Variants in DLGAP2 observed in about 807,000 individuals in gnomAD.
DLGAP2 encodes disks large-associated protein 2.
A neutral mutation model predicts 100.3 loss-of-function variants in DLGAP2; 26 were observed. That is an observed-to-expected ratio of 0.26 (90% CI 0.19 to 0.36). The LOEUF (loss-of-function observed/expected upper bound fraction) is 0.36, where lower values mean the gene tolerates loss of function less well. Among genes scored for constraint, DLGAP2 ranks in the 10% least tolerant of loss-of-function variants. The probability of loss-of-function intolerance (pLI) is 1.00; values close to 1 mark genes in which losing one functional copy is unlikely to be tolerated. For synonymous variants in DLGAP2, 886 were observed against 630.1 expected, an observed-to-expected ratio of 1.41 and a Z score of -6.08; for missense variants, 1,858 against 1,453.2, an observed-to-expected ratio of 1.28 and a Z score of -4.53.
intron 2 of DLGAP2, among the ~76,000 whole-genome samples, chr8:1,254,667 C>T (rs1799130517): frequency 6.6e-6 from 1 of 150,970 alleles, no homozygotes; most frequent in Non-Finnish European, 1.5e-5. Flanking sequence ...CTGTATGACT[C>T]AGTGGTGTCT....
chr8:1,566,035 C>T, intron 6 of DLGAP2, 141 bp downstream of exon 6: 2 of 580,318 alleles, frequency 3.4e-6, no homozygotes, highest in Non-Finnish European at 5.4e-6. Context: ...CCATGGCTGT[C>T]AATTTTCAAG....
intron 3 of DLGAP2, among the ~76,000 whole-genome samples, chr8:1,411,988 G>T (rs1437039269): frequency 6.6e-6 from 1 of 152,198 alleles, no homozygotes; most frequent in African/African-American, 2.4e-5. Context: ...AACAGCAAGG[G>T]CTCTGGAAGA....
At chr8:1,356,948 G>A (rs140739015) in intron 3 of DLGAP2, among the ~76,000 whole-genome samples, 3 of 152,326 alleles carry the variant, frequency 2.0e-5, no homozygotes, top group Admixed American at 6.5e-5. Flanking sequence ...CGGCAAACCC[G>A]CGAGCAGCTG....
intron 2 of DLGAP2, among the ~76,000 whole-genome samples, chr8:1,120,576 A>T (rs182213125): frequency 8.0e-5 from 12 of 150,162 alleles, no homozygotes; most frequent in Admixed American, 3.3e-4. Context: ...ATCCTTGTCC[A>T]TTAGGACCCA....
intron 1 of DLGAP2, among the ~76,000 whole-genome samples, chr8:864,299 C>G (rs1484388032): frequency 6.6e-6 from 1 of 151,986 alleles, no homozygotes; most frequent in Non-Finnish European, 1.5e-5. Flanking sequence ...GTGAGAATAT[C>G]GTACGGTATG....
At chr8:1,103,168 G>T (rs1003664627) in intron 2 of DLGAP2, among the ~76,000 whole-genome samples, 7 of 152,178 alleles carry the variant, frequency 4.6e-5, no homozygotes, top group African/African-American at 1.4e-4. Context: ...GGAGGTGGCC[G>T]TGAGTCCCGG....
At chr8:964,030 G>C (rs749975295) in intron 2 of DLGAP2, among the ~76,000 whole-genome samples, 2 of 152,050 alleles carry the variant, frequency 1.3e-5, no homozygotes, top group East Asian at 3.8e-4. Context: ...ATTTGGAAAC[G>C]ATAACTGATA....
intron 2 of DLGAP2, among the ~76,000 whole-genome samples, chr8:944,147 G>C (rs940964790): frequency 1.3e-5 from 2 of 152,268 alleles, no homozygotes; most frequent in Non-Finnish European, 2.9e-5. Context: ...TGATCTGTTA[G>C]GTGGTAACTG....
intron 2 of DLGAP2, among the ~76,000 whole-genome samples, chr8:971,497 G>T (rs555518483): frequency 6.6e-6 from 1 of 152,216 alleles, no homozygotes; most frequent in Non-Finnish European, 1.5e-5. Flanking sequence ...AGCAGCCCCA[G>T]CTGGAGTCAG....
intron 2 of DLGAP2, among the ~76,000 whole-genome samples, chr8:1,234,934 A>G (rs956308788): frequency 6.6e-6 from 1 of 151,860 alleles, no homozygotes; most frequent in Non-Finnish European, 1.5e-5. Flanking sequence ...CACACAAAGC[A>G]TTGTGTCTGC....
intron 2 of DLGAP2, among the ~76,000 whole-genome samples, chr8:1,133,306 T>C (rs1313308642): frequency 2.0e-5 from 3 of 152,198 alleles, no homozygotes; most frequent in Non-Finnish European, 4.4e-5. Flanking sequence ...CCAGTTCATT[T>C]CAACCTCTCT....
chr8:1,623,935 A>C (rs979556855), intron 6 of DLGAP2, among the ~76,000 whole-genome samples: 3 of 152,250 alleles, frequency 2.0e-5, no homozygotes, highest in African/African-American at 7.2e-5. Context: ...TGAAATAAAG[A>C]GAATCATTGA....
At chr8:1,008,676 C>A (rs907453427) in intron 2 of DLGAP2, among the ~76,000 whole-genome samples, 1 of 152,234 alleles carries the variant, frequency 6.6e-6, no homozygotes, top group Non-Finnish European at 1.5e-5. Flanking sequence ...GAACAGCTGT[C>A]CGCCTCTGCA....
At chr8:1,542,746 T>A (rs1405441670) in intron 4 of DLGAP2, among the ~76,000 whole-genome samples, 2 of 152,224 alleles carry the variant, frequency 1.3e-5, no homozygotes, top group Non-Finnish European at 2.9e-5. Context: ...TTCTCTTGGA[T>A]GTGCACCTCG....
At chr8:1,294,252 A>G (rs144991011) in intron 3 of DLGAP2, among the ~76,000 whole-genome samples, 12 of 152,262 alleles carry the variant, frequency 7.9e-5, no homozygotes, top group African/African-American at 2.9e-4. Flanking sequence ...CAAGAATTTA[A>G]TTGTCTTGAT....
rs1419095568 is a variant in DLGAP2, at chr8:1,235,733, G to A, written c.74-23118G>A. Among the ~76,000 whole-genome samples the A allele has an allele frequency of 1.5e-4, 3 of 19,656 alleles. 1 individual carries two copies. The highest frequency in any genetic ancestry group is 1.0e-3 in the African/African-American group (3 of 2,978). The allele number at this position is 19,656 out of a possible 152,430, so 12.9% of individuals were successfully genotyped here. A position where few individuals can be genotyped will look rare whatever the true frequency, so the allele number is the denominator to read the frequency against. On this transcript the variant is annotated intron_variant, in intron 2 of 14. Coordinates refer to ENST00000637795, the MANE Select transcript of DLGAP2 (RefSeq NM_001346810.2). The stretch of plus-strand genomic sequence containing the variant: ...GCGCCGTATCTAGTTCTCTCACATG[G>A]TGCCATATCTAGTTCTCTCTCACGC...
chr8:1,181,351 A>AC (rs1243773500), intron 2 of DLGAP2, among the ~76,000 whole-genome samples: 1 of 152,254 alleles, frequency 6.6e-6, no homozygotes, highest in Non-Finnish European at 1.5e-5. Flanking sequence ...TTGATCTTTA[A>AC]CAATGGGAAG....
intron 3 of DLGAP2, among the ~76,000 whole-genome samples, chr8:1,390,004 G>A (rs576216682): frequency 5.9e-5 from 9 of 152,238 alleles, no homozygotes; most frequent in East Asian, 1.9e-4. Context: ...CTGCACCCAC[G>A]GAGTGTGTCT....
intron 2 of DLGAP2, among the ~76,000 whole-genome samples, chr8:1,029,189 T>G (rs994843795): frequency 3.9e-5 from 6 of 152,136 alleles, no homozygotes; most frequent in Non-Finnish European, 8.8e-5. Context: ...GGGAGGGCTC[T>G]GTAGAAAGTC....
Sources: allele counts gnomAD v4.1 joint callset (sites outside exome capture counted in the v4.1 genomes callset), GRCh38; gene constraint gnomAD v4.1.1; transcripts MANE v1.5; gene names NCBI Gene and HGNC (gene_info 2026-07-23, HGNC 2026-07-21).